Variants in IL1RAPL1 observed in about 807,000 individuals in gnomAD.
IL1RAPL1 encodes interleukin-1 receptor accessory protein-like 1.
Under a neutral mutation model 48.4 loss-of-function variants are expected in IL1RAPL1, and 3 were observed. The ratio of observed to expected loss-of-function variants is 0.06; its 90% CI spans 0.03 to 0.16. IL1RAPL1 has a LOEUF of 0.16. IL1RAPL1 is among the 10% of genes least tolerant of loss of function. The pLI, the probability that IL1RAPL1 is intolerant of heterozygous loss-of-function variation, is 1.00. For missense variants in IL1RAPL1, 349 were observed against 530.6 expected (o/e 0.66, Z 3.36); for synonymous variants, 185 against 187.7 (o/e 0.99, Z 0.12).
chrX:29,805,911 A>AG, intron 6 of IL1RAPL1, among the ~76,000 whole-genome samples: 1 of 108,780 alleles, frequency 9.2e-6, no homozygotes, highest in Admixed American at 1.0e-4. Flanking sequence ...TATATAAGTA[A>AG]GGAAGAAATG....
At chrX:29,280,752 A>G (rs1015319867) in intron 2 of IL1RAPL1, among the ~76,000 whole-genome samples, 1 of 111,904 alleles carries the variant, frequency 8.9e-6, no homozygotes, top group Non-Finnish European at 1.9e-5. Context: ...TGGATGCATA[A>G]TATAACATCA....
chrX:29,774,257 T>C (rs1456464548), intron 6 of IL1RAPL1, among the ~76,000 whole-genome samples: 1 of 110,946 alleles, frequency 9.0e-6, no homozygotes, highest in Non-Finnish European at 1.9e-5. Flanking sequence ...GAAGTGTACT[T>C]ACACGGCTAT....
At chrX:28,763,931 T>C (rs763021858) in intron 1 of IL1RAPL1, among the ~76,000 whole-genome samples, 3 of 111,309 alleles carry the variant, frequency 2.7e-5, no homozygotes, top group Admixed American at 9.6e-5. Flanking sequence ...TATGTGTGTG[T>C]GTATGATTTA....
At chrX:29,766,342 A>AAT (rs1555918100) in intron 6 of IL1RAPL1, among the ~76,000 whole-genome samples, 836 of 47,320 alleles carry the variant, frequency 0.018, 22 homozygotes, top group South Asian at 0.04. Context: ...AAAAAAAAAA[A>AAT]ATATATATAT....
At chrX:29,220,676 A>C (rs1242589379) in intron 2 of IL1RAPL1, among the ~76,000 whole-genome samples, 1 of 112,215 alleles carries the variant, frequency 8.9e-6, no homozygotes, top group African/African-American at 3.2e-5. Flanking sequence ...AAAATCTAAC[A>C]TAATACAACA....
In IL1RAPL1 at chrX:28,985,350, A is replaced by G. The variant is rs940787454; in HGVS notation, c.82+195925A>G. ...CAATTGTGATCACTGTAATTAAGAA[A>G]TTGATGGGGTTGAATAATAGAATAG... On this transcript the variant is annotated intron_variant, in intron 2 of 10. Transcript: ENST00000378993. Among the ~76,000 whole-genome samples, 9 of 111,950 alleles carry G rather than the reference A, an allele frequency of 8.0e-5. No individual in the cohort carries two copies. In the Admixed American group the frequency reaches 8.5e-4, roughly 11 times the overall value.
chrX:28,844,818 G>A (rs1921466349), intron 2 of IL1RAPL1, among the ~76,000 whole-genome samples: 1 of 111,522 alleles, frequency 9.0e-6, no homozygotes, highest in African/African-American at 3.2e-5. Context: ...CATGTTACTT[G>A]ATTGAGATAT....
chrX:29,249,358 A>G (rs1414029902), intron 2 of IL1RAPL1, among the ~76,000 whole-genome samples: 1 of 111,868 alleles, frequency 8.9e-6, no homozygotes, highest in Non-Finnish European at 1.9e-5. Flanking sequence ...TTTTTGTTGT[A>G]TTAGGAATCT....
At chrX:28,835,881 C>T (rs1482953) in intron 2 of IL1RAPL1, among the ~76,000 whole-genome samples, 24,242 of 110,101 alleles carry the variant, frequency 0.22, 5,311 homozygotes, top group African/African-American at 0.67. Context: ...TTTGTTGTTT[C>T]CTTTAAATCT....
intron 1 of IL1RAPL1, among the ~76,000 whole-genome samples, chrX:28,788,969 G>A (rs988311958): frequency 9.0e-6 from 1 of 111,603 alleles, no homozygotes; most frequent in African/African-American, 3.3e-5. Flanking sequence ...CAGTTTGGAT[G>A]ATTTTTATTA....
intron 2 of IL1RAPL1, among the ~76,000 whole-genome samples, chrX:29,101,193 T>C (rs1282688225): frequency 2.7e-5 from 3 of 111,942 alleles, no homozygotes; most frequent in Non-Finnish European, 5.6e-5. Context: ...ACCGCAGAAA[T>C]TCAAATGACC....
At chrX:29,908,607 T>C (rs1398451704) in intron 6 of IL1RAPL1, among the ~76,000 whole-genome samples, 2 of 111,257 alleles carry the variant, frequency 1.8e-5, no homozygotes, top group Non-Finnish European at 3.8e-5. Flanking sequence ...GTCTTATTTT[T>C]ACGTGATTAT....
chrX:28,843,141 C>G (rs185390875), intron 2 of IL1RAPL1, among the ~76,000 whole-genome samples: 178 of 110,362 alleles, frequency 1.6e-3, no homozygotes, highest in African/African-American at 5.5e-3. Context: ...TTATTTCTGT[C>G]TTATAAAAAT....
At chrX:29,852,582 C>T in intron 6 of IL1RAPL1, among the ~76,000 whole-genome samples, 1 of 111,980 alleles carries the variant, frequency 8.9e-6, no homozygotes, top group Non-Finnish European at 1.9e-5. Context: ...CAGTTAGTCT[C>T]CTGTACCTTT....
chrX:29,081,018 CTCTTTCTTTTCTTT>C (rs1927819393), intron 2 of IL1RAPL1, among the ~76,000 whole-genome samples: 1 of 54,353 alleles, frequency 1.8e-5, no homozygotes, highest in Non-Finnish European at 3.4e-5. Flanking sequence ...CTCTCTCTCT[CTCTTTCTTTTCTTT>C]TCTTTTCTTT....
chrX:29,017,267 T>G (rs2147399293), intron 2 of IL1RAPL1, among the ~76,000 whole-genome samples: 1 of 112,419 alleles, frequency 8.9e-6, no homozygotes, highest in South Asian at 3.6e-4. Context: ...CTCAATGAAT[T>G]AACCGAGAGT....
intron 2 of IL1RAPL1, among the ~76,000 whole-genome samples, chrX:29,049,785 A>G (rs186428066): frequency 1.8e-3 from 204 of 112,528 alleles, no homozygotes; most frequent in African/African-American, 6.2e-3. Context: ...TTTTACAAAA[A>G]CATTGCAAAG....
intron 2 of IL1RAPL1, among the ~76,000 whole-genome samples, chrX:29,018,771 T>A (rs1926297333): frequency 8.9e-6 from 1 of 111,834 alleles, no homozygotes; most frequent in Non-Finnish European, 1.9e-5. Flanking sequence ...TAGAAATGAT[T>A]ACATTAAAAC....
intron 6 of IL1RAPL1, among the ~76,000 whole-genome samples, chrX:29,730,019 C>A (rs1294664623): frequency 8.9e-6 from 1 of 112,227 alleles, no homozygotes; most frequent in Admixed American, 9.5e-5. Flanking sequence ...AGGTTCTATA[C>A]TGATTTGTGG....
Sources: allele counts gnomAD v4.1 joint callset (sites outside exome capture counted in the v4.1 genomes callset), GRCh38; gene constraint gnomAD v4.1.1; transcripts MANE v1.5; gene names NCBI Gene and HGNC (gene_info 2026-07-23, HGNC 2026-07-21).